TULP4: variants seen among roughly 807,000 people sequenced by gnomAD.
The protein encoded by TULP4 is tubby-related protein 4.
A neutral mutation model predicts 129.0 loss-of-function variants in TULP4; 16 were observed. That is an observed-to-expected ratio of 0.12 (90% CI 0.08 to 0.19). TULP4 has a LOEUF of 0.19. Among genes scored for constraint, TULP4 ranks in the 10% least tolerant of loss-of-function variants. TULP4 has a pLI of 1.00. For missense variants in TULP4, 1,842 were observed against 2,059.1 expected, an observed-to-expected ratio of 0.89 and a Z score of 2.04; for synonymous variants, 998 against 854.0, an observed-to-expected ratio of 1.17 and a Z score of -2.94.
chr6:158,330,329 G>C (rs745923422), intron 1 of TULP4, among the ~76,000 whole-genome samples: 1 of 152,128 alleles, frequency 6.6e-6, no homozygotes, highest in Non-Finnish European at 1.5e-5. Context: ...ATGTCCAATA[G>C]GACCTTGGAT....
At chr6:158,452,398 T>C in intron 5 of TULP4, 130 bp downstream of exon 5, 1 of 1,245,452 alleles carries the variant, frequency 8.0e-7, no homozygotes, top group Non-Finnish European at 1.1e-6. Flanking sequence ...CTTCATGGAG[T>C]CTGTTAACTA....
intron 1 of TULP4, among the ~76,000 whole-genome samples, chr6:158,322,050 T>G (rs1319332296): frequency 3.9e-5 from 6 of 152,202 alleles, no homozygotes; most frequent in Admixed American, 3.9e-4. Context: ...CACCTCACTG[T>G]GCATAGTGAT....
intron 1 of TULP4, among the ~76,000 whole-genome samples, chr6:158,246,516 A>G (rs558223673): frequency 6.6e-6 from 1 of 152,000 alleles, no homozygotes; most frequent in African/African-American, 2.4e-5. Context: ...AATTAAATAC[A>G]TTATTTGCTC....
At position 158,501,700 on chromosome 6, in the gene TULP4, T is replaced by C; in HGVS notation, c.2037T>C (p.Pro679=). The change falls in exon 13 of 14, where the codon CCT becomes CCC. Residue 679 remains proline (P), a synonymous_variant. Transcript: ENST00000367097. The part of the protein sequence containing the change: ...DLPVTGASGV[P]ENSPPCTVNI... Reference sequence around the variant, plus strand: ...CAGTGACAGGAGCATCTGGTGTCCCTGAGAACAGCCCACCTTGTACCGTGA... The same window carrying C: ...CAGTGACAGGAGCATCTGGTGTCCCCGAGAACAGCCCACCTTGTACCGTGA... 3.7e-6 allele frequency: 6 copies of C among 1,609,624 alleles called. No homozygotes were observed. Among genetic ancestry groups the C allele is most frequent in the African/African-American group, 1.3e-5 (1 of 74,950 alleles).
intron 1 of TULP4, among the ~76,000 whole-genome samples, chr6:158,256,149 G>A (rs140826796): frequency 2.0e-4 from 30 of 152,352 alleles, no homozygotes; most frequent in African/African-American, 7.0e-4. Context: ...GATTTGCTGA[G>A]CAGGCAAGGA....
At chr6:158,490,789 C>CTTT (rs74809679) in intron 9 of TULP4, among the ~76,000 whole-genome samples, 1 of 142,802 alleles carries the variant, frequency 7.0e-6, no homozygotes, top group African/African-American at 2.6e-5. Context: ...GTATCTGGCT[C>CTTT]TTTTTTTTTT....
chr6:158,287,593 A>G (rs1778854281), intron 1 of TULP4, among the ~76,000 whole-genome samples: 1 of 152,204 alleles, frequency 6.6e-6, no homozygotes, highest in Non-Finnish European at 1.5e-5. Flanking sequence ...TTGAATGAGC[A>G]ACTTAAGATA....
intron 1 of TULP4, among the ~76,000 whole-genome samples, chr6:158,378,054 C>T (rs1777232626): frequency 6.6e-6 from 1 of 152,190 alleles, no homozygotes; most frequent in Admixed American, 6.5e-5. Context: ...GGCCACATGT[C>T]TCTCTTTGTC....
At position 158,479,790 on chromosome 6, in the gene TULP4, A is replaced by C. The variant is rs1413455861; in HGVS notation, c.1066A>C (p.Arg356=). The change falls in exon 7 of 14, where the codon AGG becomes CGG. Residue 356 remains arginine (R), a synonymous_variant. Transcript: ENST00000367097. ...CATCTGCTGGGGTCACCGGGATTCG[A>C]GGCTGTTGATGGCATCAGGACCAGC... ...ISICWGHRDS[R]LLMASGPALY... is the part of the protein sequence containing the mutation. 2.5e-6 allele frequency: 4 copies of C among 1,613,956 alleles called. No individual in the cohort carries two copies. Among genetic ancestry groups the C allele is most frequent in the Non-Finnish European group, 3.4e-6 (4 of 1,179,930 alleles).
At chr6:158,308,475 A>G (rs868194896), upstream of TULP4, among the ~76,000 whole-genome samples, 859 of 151,410 alleles carry the variant, frequency 5.7e-3, 4 homozygotes, top group Middle Eastern at 0.017. Flanking sequence ...ATTCCACAAA[A>G]CCGCCATTGT....
At chr6:158,349,353 CT>C in intron 1 of TULP4, among the ~76,000 whole-genome samples, 1 of 126,832 alleles carries the variant, frequency 7.9e-6, no homozygotes, top group East Asian at 2.5e-4. Flanking sequence ...CACTCCTCAC[CT>C]CTCAGATGGG....
chr6:158,283,544 G>A (rs1778792481), intron 1 of TULP4, among the ~76,000 whole-genome samples: 1 of 152,090 alleles, frequency 6.6e-6, no homozygotes, highest in Non-Finnish European at 1.5e-5. Flanking sequence ...GCTGTTTCCT[G>A]CCTGAATTTG....
chr6:158,439,774 C>A (rs922332748), intron 3 of TULP4, among the ~76,000 whole-genome samples: 2 of 120,700 alleles, frequency 1.7e-5, no homozygotes, highest in Admixed American at 2.2e-4. Context: ...TGCAGTGGTG[C>A]GATCTCGGCT....
chr6:158,341,666 T>C (rs1252888936), intron 1 of TULP4, among the ~76,000 whole-genome samples: 1 of 152,206 alleles, frequency 6.6e-6, no homozygotes, highest in Non-Finnish European at 1.5e-5. Flanking sequence ...ATTAGTGATG[T>C]TGGGCATTTT....
At chr6:158,320,683 C>T (rs1424022219) in intron 1 of TULP4, among the ~76,000 whole-genome samples, 1 of 152,328 alleles carries the variant, frequency 6.6e-6, no homozygotes, top group Middle Eastern at 3.4e-3. Flanking sequence ...CCACCCGCCT[C>T]AGCCTCCCCA....
exon 1 of TULP4, chr6:158,232,281 GCTGCCGCCA>G (rs1273304129): frequency 6.7e-6 from 1 of 148,286 alleles, no homozygotes; most frequent in Non-Finnish European, 1.5e-5. Flanking sequence ...AGCCGCTGGG[GCTGCCGCCA>G]CGGCCGCCCG....
intron 1 of TULP4, among the ~76,000 whole-genome samples, chr6:158,365,507 T>C (rs556530877): frequency 6.5e-4 from 99 of 151,342 alleles, no homozygotes; most frequent in Middle Eastern, 6.8e-3. Flanking sequence ...GACAGAGTCT[T>C]GCTCTGTTGC....
At chr6:158,285,718 CGCCCTGCCCT>C (rs1321894324) in intron 1 of TULP4, among the ~76,000 whole-genome samples, 1 of 152,206 alleles carries the variant, frequency 6.6e-6, no homozygotes, top group Admixed American at 6.5e-5. Context: ...GTTCCCCTGT[CGCCCTGCCCT>C]GCCCTGCCCT....
rs1171180222 is a variant in TULP4 at position 158,331,757 on chromosome 6, G to GTATATATATA, written c.252+17490_252+17491insATATATATAT. On this transcript the variant is annotated intron_variant, in intron 1 of 13. Coordinates refer to ENST00000367097, the MANE Select transcript of TULP4 (RefSeq NM_020245.5). ...CGTATATATATACGTGTATATACAC[G>GTATATATATA]TGTATATATACACGTATATATACAC... Among the ~76,000 whole-genome samples the GTATATATATA allele has an allele frequency of 9.1e-4, 15 of 16,402 alleles. 1 individual carries two copies. Among genetic ancestry groups the GTATATATATA allele is most frequent in the Non-Finnish European group, 1.7e-3 (13 of 7,530 alleles). 10.8% of individuals were successfully genotyped at this position (16,402 alleles called of 152,430 possible). A position where few individuals can be genotyped will look rare whatever the true frequency, so the allele number is the denominator to read the frequency against.
Sources: allele counts gnomAD v4.1 joint callset (sites outside exome capture counted in the v4.1 genomes callset), GRCh38; gene constraint gnomAD v4.1.1; transcripts MANE v1.5; gene names NCBI Gene and HGNC (gene_info 2026-07-23, HGNC 2026-07-21).